Variants in EPB41 observed in about 807,000 individuals in gnomAD.
EPB41 encodes protein 4.1.
EPB41 carries 65 observed loss-of-function variants against 108.0 expected under a neutral mutation model. The ratio of observed to expected loss-of-function variants is 0.60; its 90% CI spans 0.49 to 0.74. The LOEUF (loss-of-function observed/expected upper bound fraction) is 0.74, where lower values mean the gene tolerates loss of function less well. Ranked by LOEUF, EPB41 falls within the 30% of genes least tolerant of loss-of-function variation. EPB41 has a pLI of 0.00. For missense variants in EPB41, 875 were observed against 1,037.0 expected (o/e 0.84, Z 2.15); for synonymous variants, 336 against 358.9 (o/e 0.94, Z 0.72).
intron 1 of EPB41, among the ~76,000 whole-genome samples, chr1:28,972,846 C>A (rs1044684871): frequency 6.6e-6 from 1 of 152,096 alleles, no homozygotes; most frequent in Non-Finnish European, 1.5e-5. Flanking sequence ...TCAAGCAATC[C>A]TCCCACCTTG....
At chr1:28,914,208 A>T (rs2092406723), upstream of EPB41, among the ~76,000 whole-genome samples, 1 of 152,114 alleles carries the variant, frequency 6.6e-6, no homozygotes. Flanking sequence ...TCTTACTTGG[A>T]AGGAGGAAAG....
intron 1 of EPB41, among the ~76,000 whole-genome samples, chr1:28,974,656 G>T (rs549813855): frequency 1.3e-5 from 2 of 152,276 alleles, no homozygotes; most frequent in East Asian, 3.9e-4. Flanking sequence ...TTAGGATTCT[G>T]CTTTGAGATA....
intron 3 of EPB41, among the ~76,000 whole-genome samples, chr1:28,994,102 G>T (rs952185447): frequency 6.6e-6 from 1 of 152,088 alleles, no homozygotes; most frequent in Non-Finnish European, 1.5e-5. Flanking sequence ...ATTGAATCAG[G>T]ATTGAAGAAA....
At chr1:28,959,778 A>C (rs2095123944) in intron 1 of EPB41, among the ~76,000 whole-genome samples, 1 of 152,006 alleles carries the variant, frequency 6.6e-6, no homozygotes, top group South Asian at 2.1e-4. Context: ...TAAGGTTTTG[A>C]ATTTGGGAAA....
chr1:29,023,965 T>C lies in EPB41; in HGVS notation c.1124+5523T>C, dbSNP rs555423254. The stretch of plus-strand genomic sequence containing the variant: ...AAGGGCAATAATGTGAATTTTCTAA[T>C]TGTTAAATCAGAAAATTTATATAAA... On this transcript the variant is annotated intron_variant, in intron 7 of 20. Transcript: ENST00000343067. Among the ~76,000 whole-genome samples the C allele has an allele frequency of 4.3e-4, 66 of 152,166 alleles. No homozygotes were observed. In the South Asian group the frequency reaches 6.6e-3, roughly 15 times the overall value.
intron 1 of EPB41, among the ~76,000 whole-genome samples, chr1:28,940,616 C>G (rs2094242057): frequency 1.3e-5 from 2 of 152,106 alleles, no homozygotes; most frequent in South Asian, 4.1e-4. Flanking sequence ...CGCGCCATTG[C>G]ACTCCAGCCT....
rs773116337 is a variant in EPB41 at position 28,887,220 on chromosome 1, G to A, written c.-8+10G>A. The A allele has an allele frequency of 1.9e-5, 25 of 1,283,922 alleles. No homozygotes were observed. In the South Asian group the frequency reaches 3.1e-4, roughly 16 times the overall value. 79.5% of individuals were successfully genotyped at this position (1,283,922 alleles called of 1,614,324 possible). On this transcript the variant is annotated intron_variant, in intron 1 of 16. Coordinates refer to the EPB41 transcript ENST00000347529. This position sits in a 1 kb window ranked among gnomAD's most constrained non-coding sequence, Gnocchi z 4.9. ...GCCGCACCCAGCCCAGGTGAGCCTG[G>A]ACCACCTGGGGGGCGACCCTCGGTC...
At chr1:28,932,144 A>G (rs2093782163) in intron 1 of EPB41, among the ~76,000 whole-genome samples, 1 of 152,064 alleles carries the variant, frequency 6.6e-6, no homozygotes, top group Admixed American at 6.6e-5. Context: ...TTTTTTTGAA[A>G]TGGAGTCTTG....
intron 8 of EPB41, chr1:29,031,976 G>C (rs995368372): frequency 1.3e-5 from 2 of 151,928 alleles, no homozygotes; most frequent in Non-Finnish European, 2.9e-5. Context: ...CGTGCCTTTG[G>C]TGGTCCCAGC....
intron 1 of EPB41, among the ~76,000 whole-genome samples, chr1:28,949,577 T>C (rs906698457): frequency 6.6e-6 from 1 of 152,066 alleles, no homozygotes; most frequent in Non-Finnish European, 1.5e-5. Flanking sequence ...TATTTCCTTT[T>C]TTCCACTCTG....
Position 29,115,814 on chromosome 1 carries a change from T to A in EPB41, c.*6+11T>A. Reference sequence around the variant, plus strand: ...GATGAGTGAGCTCAGGTACTGGGCGTTCCTGCTGGGGCTGAGGGTGCCCAC... The same window carrying A: ...GATGAGTGAGCTCAGGTACTGGGCGATCCTGCTGGGGCTGAGGGTGCCCAC... On this transcript the variant is annotated intron_variant, in intron 20 of 20. Transcript: ENST00000343067. This position sits in a 1 kb window ranked among gnomAD's most constrained non-coding sequence, Gnocchi z 4.4. 1 of 1,606,976 alleles carries A rather than the reference T, an allele frequency of 6.2e-7. No individual in the cohort carries two copies. Among genetic ancestry groups the A allele is most frequent in the Non-Finnish European group, 8.5e-7 (1 of 1,173,726 alleles).
chr1:28,988,752 A>G (rs1372702911), intron 2 of EPB41, among the ~76,000 whole-genome samples: 4 of 151,966 alleles, frequency 2.6e-5, no homozygotes, highest in Non-Finnish European at 5.9e-5. Flanking sequence ...GGGTCTTGCT[A>G]TTTTGCCCAG....
chr1:29,083,332 C>T (rs933572664), intron 16 of EPB41, among the ~76,000 whole-genome samples: 4 of 152,204 alleles, frequency 2.6e-5, no homozygotes, highest in Admixed American at 2.0e-4. Context: ...AGTTTATCCC[C>T]ATCTTGAGTG....
chr1:28,908,348 G>A (rs1311891182), intron 1 of EPB41, among the ~76,000 whole-genome samples: 1 of 150,744 alleles, frequency 6.6e-6, no homozygotes, highest in Non-Finnish European at 1.5e-5. Flanking sequence ...GCCGCGGCAA[G>A]CCGAGATTGT....
intron 1 of EPB41, among the ~76,000 whole-genome samples, chr1:28,950,211 A>G (rs1156532684): frequency 6.6e-6 from 1 of 152,214 alleles, no homozygotes; most frequent in Non-Finnish European, 1.5e-5. Context: ...GTTCAGCCTT[A>G]CAAGATATGA....
At chr1:28,965,020 T>C (rs968199941) in intron 1 of EPB41, among the ~76,000 whole-genome samples, 2 of 152,200 alleles carry the variant, frequency 1.3e-5, no homozygotes, top group African/African-American at 4.8e-5. Flanking sequence ...TAAAATAGAC[T>C]GTGTACTCTT....
At chr1:28,988,189 G>A (rs2095914119) in intron 2 of EPB41, among the ~76,000 whole-genome samples, 1 of 152,226 alleles carries the variant, frequency 6.6e-6, no homozygotes, top group African/African-American at 2.4e-5. Context: ...GAACTCGGGA[G>A]GCGGAGGCTG....
intron 7 of EPB41, among the ~76,000 whole-genome samples, chr1:29,019,504 CT>C (rs2096616633): frequency 6.6e-6 from 1 of 152,172 alleles, no homozygotes; most frequent in Non-Finnish European, 1.5e-5. Flanking sequence ...ACTTGAGTGA[CT>C]TGCTATAGCT....
At position 29,119,597 on chromosome 1, in the gene EPB41, C is replaced by A. The variant is rs935350165; in HGVS notation, c.*2785C>A. 2 of 152,232 alleles carry A rather than the reference C, an allele frequency of 1.3e-5. No individual in the cohort carries two copies. The highest frequency in any genetic ancestry group is 2.9e-5 in the Non-Finnish European group (2 of 68,072). The allele number at this position is 152,232 out of a possible 1,614,324, so 9.4% of individuals were successfully genotyped here. ...CCGTGACCCATCCCCGTCCCCACCC[C>A]CCCCTCCACCGCTGGGCCCATCAGT... is the stretch of plus-strand genomic sequence containing the variant. On this transcript the variant is annotated 3_prime_UTR_variant, in exon 21 of 21. Coordinates refer to ENST00000343067, the MANE Select transcript of EPB41 (RefSeq NM_001376013.1).
Sources: gnomAD v4.1 joint callset for allele counts (sites outside exome capture counted in the v4.1 genomes callset) on GRCh38, gnomAD v4.1.1 for gene constraint, Gnocchi (gnomAD v3.1) non-coding constraint, MANE v1.5 for transcripts, NCBI Gene and HGNC (gene_info 2026-07-23, HGNC 2026-07-21) for gene names.